The following RBFOX1 variants were observed in gnomAD, a reference collection of about 807,000 sequenced individuals.
The protein encoded by RBFOX1 is RNA binding fox-1 homolog 1.
Under a neutral mutation model 57.7 loss-of-function variants are expected in RBFOX1, and 8 were observed. The observed-to-expected ratio is 0.14, with a 90% CI of 0.08 to 0.25. RBFOX1 has a LOEUF of 0.25. Ranked by LOEUF, RBFOX1 falls within the 10% of genes least tolerant of loss-of-function variation. The probability of loss-of-function intolerance (pLI) is 1.00; values close to 1 mark genes in which losing one functional copy is unlikely to be tolerated. For missense variants in RBFOX1, 611 were observed against 548.5 expected (o/e 1.11, Z -1.14); for synonymous variants, 326 against 222.4 (o/e 1.47, Z -4.15).
intron 1 of RBFOX1, among the ~76,000 whole-genome samples, chr16:6,059,747 A>G (rs1191268256): frequency 1.3e-5 from 2 of 152,092 alleles, no homozygotes; most frequent in South Asian, 2.1e-4. Context: ...CTGTTTATCT[A>G]TTTCAGCCAA....
At chr16:6,289,562 T>C (rs557034043) in intron 1 of RBFOX1, among the ~76,000 whole-genome samples, 3 of 152,224 alleles carry the variant, frequency 2.0e-5, no homozygotes, top group Non-Finnish European at 2.9e-5. Flanking sequence ...GGAAGACTGT[T>C]CTCTTATGCC....
chr16:6,868,895 T>C (rs1318391384), intron 3 of RBFOX1, among the ~76,000 whole-genome samples: 1 of 152,224 alleles, frequency 6.6e-6, no homozygotes, highest in Non-Finnish European at 1.5e-5. Flanking sequence ...CATAGGTGGA[T>C]GCTTGAAGTG....
At chr16:6,500,403 C>T (rs935488332) in intron 2 of RBFOX1, among the ~76,000 whole-genome samples, 1 of 152,068 alleles carries the variant, frequency 6.6e-6, no homozygotes, top group Non-Finnish European at 1.5e-5. Flanking sequence ...TATTCACTGA[C>T]CATTTATATG....
At chr16:5,884,702 GC>G (rs2057854308) in intron 4 of RBFOX1, among the ~76,000 whole-genome samples, 1 of 152,036 alleles carries the variant, frequency 6.6e-6, no homozygotes, top group East Asian at 1.9e-4. Context: ...ATGTACTTTT[GC>G]CACAGTTGCC....
intron 1 of RBFOX1, among the ~76,000 whole-genome samples, chr16:6,277,665 C>CAAA (rs60150908): frequency 4.2e-5 from 5 of 119,074 alleles, no homozygotes; most frequent in African/African-American, 1.6e-4. Context: ...GACCTTGTCT[C>CAAA]AAAAAAAAAA....
chr16:6,990,740 G>C (rs1280437557), intron 3 of RBFOX1, among the ~76,000 whole-genome samples: 3 of 152,072 alleles, frequency 2.0e-5, no homozygotes, highest in East Asian at 1.9e-4. Flanking sequence ...AAGCTTACTG[G>C]TCTTCCATGA....
At chr16:6,031,379 C>A (rs773455105) in intron 1 of RBFOX1, among the ~76,000 whole-genome samples, 13 of 152,158 alleles carry the variant, frequency 8.5e-5, no homozygotes, top group Admixed American at 2.0e-4. Context: ...GAACAGGCAG[C>A]CTTGCTCTCA....
chr16:6,159,577 G>A (rs2096862924), intron 1 of RBFOX1, among the ~76,000 whole-genome samples: 1 of 152,178 alleles, frequency 6.6e-6, no homozygotes, highest in Non-Finnish European at 1.5e-5. Context: ...ATAAAGACTT[G>A]TTGAATGGAG....
chr16:7,116,806 G>A lies in RBFOX1; in HGVS notation c.27+64708G>A, dbSNP rs79470718. ...ATGCCAGGCATGGTGCTATGCAGAG[G>A]CATATAACAGCACACACAGGACACA... On this transcript the variant is annotated intron_variant, in intron 4 of 15. Coordinates refer to ENST00000550418, the MANE Select transcript of RBFOX1 (RefSeq NM_018723.4). Among the ~76,000 whole-genome samples the A allele has an allele frequency of 7.4e-3, 1,125 of 152,236 alleles. 10 individuals carry two copies. The highest frequency in any genetic ancestry group is 0.011 in the Non-Finnish European group (768 of 68,016).
intron 1 of RBFOX1, among the ~76,000 whole-genome samples, chr16:6,240,100 A>T (rs995418887): frequency 6.6e-6 from 1 of 151,964 alleles, no homozygotes; most frequent in Non-Finnish European, 1.5e-5. Flanking sequence ...TTTTTCCATC[A>T]TTGCCATGTA....
chr16:5,980,778 C>T (rs1047334293), intron 4 of RBFOX1, among the ~76,000 whole-genome samples: 11 of 152,094 alleles, frequency 7.2e-5, no homozygotes, highest in Non-Finnish European at 1.6e-4. Context: ...GTGTTTAATG[C>T]CTCTTAAATC....
At chr16:6,144,618 A>G (rs1440719776) in intron 1 of RBFOX1, among the ~76,000 whole-genome samples, 1 of 152,226 alleles carries the variant, frequency 6.6e-6, no homozygotes, top group African/African-American at 2.4e-5. Flanking sequence ...GAGGTGACAC[A>G]TGTCAAGGCT....
chr16:6,005,342 T>C (rs2060674467), intron 4 of RBFOX1, among the ~76,000 whole-genome samples: 1 of 152,246 alleles, frequency 6.6e-6, no homozygotes, highest in African/African-American at 2.4e-5. Context: ...CATTCCCTTA[T>C]GCAGTCATTC....
rs191842960 is a variant in RBFOX1, at chr16:6,613,522, A to T, written c.-63-41081A>T. ...ATTAGCATCACTTACATGCAAGGAC[A>T]TTGTAAAATATGATATGTTTACAAA... On this transcript the variant is annotated intron_variant, in intron 2 of 15. Coordinates refer to ENST00000550418, the MANE Select transcript of RBFOX1 (RefSeq NM_018723.4). 2.6e-5 allele frequency among the ~76,000 whole-genome samples: 4 copies of T among 152,160 alleles called. 1 individual carries two copies. Among genetic ancestry groups the T allele is most frequent in the African/African-American group, 9.7e-5 (4 of 41,422 alleles).
chr16:7,621,417 C>T (rs1444988059), intron 10 of RBFOX1, among the ~76,000 whole-genome samples: 1 of 152,024 alleles, frequency 6.6e-6, no homozygotes. Context: ...TATGCCACCA[C>T]GCCTGGCTAA....
In RBFOX1 at chr16:5,467,065, T is replaced by C. The variant is rs2068974828; in HGVS notation, c.220-151T>C. 2.3e-5 allele frequency: 20 copies of C among 880,060 alleles called. No individual in the cohort carries two copies. The South Asian group carries it at 3.4e-4, about 15-fold the overall frequency. The allele number at this position is 880,060 out of a possible 1,614,324, so 54.5% of individuals were successfully genotyped here. On this transcript the variant is annotated intron_variant, in intron 1 of 2. Coordinates refer to the RBFOX1 transcript ENST00000585867. Reference sequence around the variant, plus strand: ...AGAGCCTACAACAGAGCCTGACACATGTTAGGCATTTAATGGACGTTTTGA... The same window carrying C: ...AGAGCCTACAACAGAGCCTGACACACGTTAGGCATTTAATGGACGTTTTGA...
intron 3 of RBFOX1, among the ~76,000 whole-genome samples, chr16:5,631,578 C>T (rs578197394): frequency 6.6e-6 from 1 of 151,756 alleles, no homozygotes; most frequent in Admixed American, 6.6e-5. Flanking sequence ...AAAAGTGTCT[C>T]TTCTATGTAT....
chr16:5,906,933 C>A (rs2058473333), intron 4 of RBFOX1, among the ~76,000 whole-genome samples: 1 of 151,838 alleles, frequency 6.6e-6, no homozygotes, highest in South Asian at 2.1e-4. Flanking sequence ...GACAGGGTTT[C>A]AACATGTTGG....
chr16:5,329,729 G>A (rs1252949403), intron 1 of RBFOX1, among the ~76,000 whole-genome samples: 2 of 152,220 alleles, frequency 1.3e-5, no homozygotes, highest in Non-Finnish European at 2.9e-5. Flanking sequence ...GCCGGGCGCG[G>A]TGGCTTACGC....
Sources: gnomAD v4.1 joint callset for allele counts (sites outside exome capture counted in the v4.1 genomes callset) on GRCh38, gnomAD v4.1.1 for gene constraint, MANE v1.5 for transcripts, NCBI Gene and HGNC (gene_info 2026-07-23, HGNC 2026-07-21) for gene names.